Variants in TRERF1 observed in about 807,000 individuals in gnomAD.
The protein encoded by TRERF1 is transcriptional-regulating factor 1.
TRERF1 carries 27 observed loss-of-function variants against 122.9 expected under a neutral mutation model. The observed-to-expected ratio is 0.22, with a 90% CI of 0.16 to 0.30. The LOEUF (loss-of-function observed/expected upper bound fraction) is 0.30. Ranked by LOEUF, TRERF1 falls within the 10% of genes least tolerant of loss-of-function variation. The probability of loss-of-function intolerance (pLI) is 1.00; values close to 1 mark genes in which losing one functional copy is unlikely to be tolerated. For synonymous variants in TRERF1, 636 were observed against 641.7 expected (o/e 0.99, Z 0.13); for missense variants, 1,248 against 1,560.3 (o/e 0.80, Z 3.37).
chr6:42,292,410 G>C (rs898330748), intron 4 of TRERF1, among the ~76,000 whole-genome samples: 1 of 152,156 alleles, frequency 6.6e-6, no homozygotes, highest in Admixed American at 6.5e-5. Context: ...TCCCCTGAAA[G>C]CACCTGTGTC....
At chr6:42,291,531 G>GTTGT (rs750209759) in intron 4 of TRERF1, among the ~76,000 whole-genome samples, 5 of 151,516 alleles carry the variant, frequency 3.3e-5, no homozygotes, top group African/African-American at 9.7e-5. Flanking sequence ...TTTCGTTTTT[G>GTTGT]TTGTTTGTTT....
chr6:42,259,357 C>T lies in TRERF1; in HGVS notation c.2251G>A (p.Val751Met). 1 of 1,512,964 alleles carries T rather than the reference C, an allele frequency of 6.6e-7. No individual in the cohort carries two copies. Among genetic ancestry groups the T allele is most frequent in the African/African-American group, 1.4e-5 (1 of 72,118 alleles). 93.7% of individuals were successfully genotyped at this position (1,512,964 alleles called of 1,614,324 possible). The change falls in exon 9 of 18, where the codon GTG becomes ATG. Residue 751 changes from valine (V) to methionine (M), a missense_variant. Val to Met is a conservative substitution (Grantham distance 21). Around this residue, in one of 5 missense-constraint regions of TRERF1, gnomAD observed 946 missense variants for 1,073.0 expected, o/e 0.88. Transcript: ENST00000372922. The surrounding 1 kb of genome is among the most constrained non-coding windows in gnomAD (Gnocchi z 4.9). The stretch of plus-strand genomic sequence containing the variant: ...GACTCACTGGAGCGACACAGCAGCA[C>T]CCGTGGTGTGGGCGTCAGGGGCGTC...
rs150356629 is a variant in TRERF1, at chr6:42,233,492, A to G, written c.3067-600T>C. On this transcript the variant is annotated intron_variant, in intron 16 of 17. Coordinates refer to ENST00000372922, the Ensembl canonical transcript of TRERF1. ...AGTAGAGACAGGGTTTCACCGTGTT[A>G]GCCAGGATGGTCTCGATCTCCTGAC... is the stretch of plus-strand genomic sequence containing the variant. 3.8e-3 allele frequency among the ~76,000 whole-genome samples: 575 copies of G among 151,788 alleles called. 4 individuals carry two copies. The highest frequency in any genetic ancestry group is 0.012 in the African/African-American group (480 of 41,382).
intron 2 of TRERF1, among the ~76,000 whole-genome samples, chr6:42,430,423 T>A (rs1039743392): frequency 1.3e-5 from 2 of 152,132 alleles, no homozygotes; most frequent in Non-Finnish European, 2.9e-5. Flanking sequence ...TTTTTTCTCT[T>A]AAGAGCTGCT....
At position 42,276,334 on chromosome 6, in the gene TRERF1, A is replaced by G. The variant is rs1461419800; in HGVS notation, c.-258-6486T>C. ...AACACCCTGCTCCGGCCAGACCACC[A>G]TTGCTTGTTTGAGGAAGAAAAACCA... On this transcript the variant is annotated intron_variant, in intron 4 of 17. Transcript: ENST00000372922. This position sits in a 1 kb window ranked among gnomAD's most constrained non-coding sequence, Gnocchi z 4.3. Among the ~76,000 whole-genome samples, 1 of 152,242 alleles carries G rather than the reference A, an allele frequency of 6.6e-6. No individual in the cohort carries two copies. Among genetic ancestry groups the G allele is most frequent in the Non-Finnish European group, 1.5e-5 (1 of 68,044 alleles).
intron 13 of TRERF1, among the ~76,000 whole-genome samples, chr6:42,249,039 G>A (rs772920661): frequency 1.3e-5 from 2 of 152,204 alleles, no homozygotes; most frequent in African/African-American, 2.4e-5. Flanking sequence ...GGTAAGAGGA[G>A]TCAGAAAGAT....
intron 4 of TRERF1, among the ~76,000 whole-genome samples, chr6:42,289,066 G>A (rs993392463): frequency 6.6e-6 from 1 of 151,878 alleles, no homozygotes. Context: ...GCTCATGCCT[G>A]TAATCCCAGC....
chr6:42,283,910 C>T (rs1782750367), intron 4 of TRERF1, among the ~76,000 whole-genome samples: 2 of 151,698 alleles, frequency 1.3e-5, no homozygotes, highest in African/African-American at 4.8e-5. Flanking sequence ...GCCACTGCAC[C>T]CTGGCCAAAA....
intron 3 of TRERF1, among the ~76,000 whole-genome samples, chr6:42,352,885 A>G (rs752361037): frequency 3.3e-5 from 5 of 152,280 alleles, no homozygotes; most frequent in Non-Finnish European, 5.9e-5. Flanking sequence ...AATATTGTGA[A>G]TATAGGATCC....
intron 16 of TRERF1, among the ~76,000 whole-genome samples, chr6:42,233,566 T>G (rs944689103): frequency 1.8e-4 from 28 of 151,788 alleles, no homozygotes; most frequent in East Asian, 4.0e-4. Flanking sequence ...ATTACAGGCG[T>G]GAGCCACCAC....
chr6:42,271,625 C>T (rs934972528), intron 4 of TRERF1, among the ~76,000 whole-genome samples: 1 of 152,046 alleles, frequency 6.6e-6, no homozygotes, highest in Non-Finnish European at 1.5e-5. Context: ...CCCAGTACCA[C>T]CATTTCATTT....
At chr6:42,446,039 C>T (rs1388958518) in intron 2 of TRERF1, among the ~76,000 whole-genome samples, 2 of 152,226 alleles carry the variant, frequency 1.3e-5, no homozygotes, top group East Asian at 3.8e-4. Context: ...CTCAGCCTCC[C>T]AAGTAGCTGG....
intron 3 of TRERF1, among the ~76,000 whole-genome samples, chr6:42,350,920 G>A (rs904870766): frequency 1.3e-5 from 2 of 151,842 alleles, no homozygotes; most frequent in Admixed American, 1.3e-4. Flanking sequence ...TCAAAAGATG[G>A]AGCACTGCAA....
intron 15 of TRERF1, among the ~76,000 whole-genome samples, chr6:42,241,575 C>T (rs1217999954): frequency 2.0e-5 from 3 of 152,186 alleles, no homozygotes; most frequent in Admixed American, 6.5e-5. Context: ...GATCCTCCTG[C>T]CTCAGCCTCC....
chr6:42,436,233 G>C (rs1785331338), intron 2 of TRERF1, among the ~76,000 whole-genome samples: 1 of 151,792 alleles, frequency 6.6e-6, no homozygotes, highest in African/African-American at 2.4e-5. Context: ...GCTGGGCGTG[G>C]TGGCAGGTGC....
intron 3 of TRERF1, among the ~76,000 whole-genome samples, chr6:42,313,364 C>T (rs1006791140): frequency 3.3e-5 from 5 of 152,152 alleles, no homozygotes; most frequent in African/African-American, 4.8e-5. Context: ...AGGAAAGTGT[C>T]GTTCACATCA....
intron 3 of TRERF1, among the ~76,000 whole-genome samples, chr6:42,356,133 C>G (rs1162876496): frequency 1.3e-5 from 2 of 152,190 alleles, no homozygotes; most frequent in Non-Finnish European, 2.9e-5. Flanking sequence ...AGGATGCTTC[C>G]CCTCTTCCAC....
intron 2 of TRERF1, among the ~76,000 whole-genome samples, chr6:42,413,944 T>G (rs1275197069): frequency 6.6e-6 from 1 of 152,282 alleles, no homozygotes; most frequent in Non-Finnish European, 1.5e-5. Flanking sequence ...GAAGAAAATT[T>G]TTCGTGAAAT....
In TRERF1 at chr6:42,232,947, T is replaced by C; in HGVS notation, c.3067-55A>G. ...TACAGTCCTGAAAAGGAAATTAGGGTTATTAGTTACTCAGTGGTAAACATG... is the reference window on the plus strand; with the variant it reads ...TACAGTCCTGAAAAGGAAATTAGGGCTATTAGTTACTCAGTGGTAAACATG... On this transcript the variant is annotated intron_variant, in intron 16 of 17. Coordinates refer to ENST00000372922, the Ensembl canonical transcript of TRERF1. The surrounding 1 kb of genome is among the most constrained non-coding windows in gnomAD (Gnocchi z 4.5). 1 of 1,509,320 alleles carries C rather than the reference T, an allele frequency of 6.6e-7. No homozygotes were observed. The highest frequency in any genetic ancestry group is 8.9e-7 in the Non-Finnish European group (1 of 1,122,176). The allele number at this position is 1,509,320 out of a possible 1,614,324, so 93.5% of individuals were successfully genotyped here.
Sources: gnomAD v4.1 joint callset for allele counts (sites outside exome capture counted in the v4.1 genomes callset) on GRCh38, gnomAD v4.1.1 for gene constraint, gnomAD v4.1.1 regional missense constraint, Gnocchi (gnomAD v3.1) non-coding constraint, MANE v1.5 for transcripts, NCBI Gene and HGNC (gene_info 2026-07-23, HGNC 2026-07-21) for gene names.